The following HDAC9 variants were observed in gnomAD, a reference collection of about 807,000 sequenced individuals.
The protein encoded by HDAC9 is histone deacetylase 9.
A neutral mutation model predicts 139.4 loss-of-function variants in HDAC9; 41 were observed. The observed-to-expected ratio is 0.29, with a 90% CI of 0.23 to 0.38. The LOEUF is 0.38. Ranked by LOEUF, HDAC9 falls within the 10% of genes least tolerant of loss-of-function variation. The pLI is 1.00. For synonymous variants in HDAC9, 517 were observed against 476.2 expected, an observed-to-expected ratio of 1.09 and a Z score of -1.12; for missense variants, 1,147 against 1,297.0, an observed-to-expected ratio of 0.88 and a Z score of 1.78.
chr7:18,430,215 C>A (rs1790513127), intron 1 of HDAC9, among the ~76,000 whole-genome samples: 1 of 152,060 alleles, frequency 6.6e-6, no homozygotes, highest in Non-Finnish European at 1.5e-5. Context: ...TGGACCACAA[C>A]CTACAGTAAT....
intron 1 of HDAC9, among the ~76,000 whole-genome samples, chr7:18,095,469 T>C (rs1309852272): frequency 6.6e-6 from 1 of 152,182 alleles, no homozygotes; most frequent in Non-Finnish European, 1.5e-5. Context: ...GTATTTATGG[T>C]CTTCTTGCAA....
At chr7:18,187,767 A>G (rs1391971492) in intron 2 of HDAC9, among the ~76,000 whole-genome samples, 1 of 152,170 alleles carries the variant, frequency 6.6e-6, no homozygotes, top group Non-Finnish European at 1.5e-5. Flanking sequence ...AAAATCTTCC[A>G]TGGCTTGCCA....
intron 21 of HDAC9, among the ~76,000 whole-genome samples, chr7:18,851,922 C>G (rs1342833057): frequency 6.6e-6 from 1 of 152,208 alleles, no homozygotes; most frequent in East Asian, 1.9e-4. Flanking sequence ...GGAGCAGCTA[C>G]TCAGCAATGC....
At chr7:18,282,099 A>G (rs2128220394) in intron 2 of HDAC9, among the ~76,000 whole-genome samples, 1 of 152,264 alleles carries the variant, frequency 6.6e-6, no homozygotes, top group South Asian at 2.1e-4. Context: ...TGAAAGAAAC[A>G]CACACACTCA....
intron 6 of HDAC9, among the ~76,000 whole-genome samples, chr7:18,615,539 G>A (rs1421706081): frequency 6.6e-6 from 1 of 152,036 alleles, no homozygotes; most frequent in Non-Finnish European, 1.5e-5. Context: ...TATACTTTTT[G>A]TCTTTTTTCT....
intron 1 of HDAC9, among the ~76,000 whole-genome samples, chr7:18,370,257 T>A (rs959340455): frequency 6.6e-6 from 1 of 152,170 alleles, no homozygotes; most frequent in African/African-American, 2.4e-5. Flanking sequence ...CATAAATCTG[T>A]AACAGAATTA....
intron 1 of HDAC9, among the ~76,000 whole-genome samples, chr7:18,344,189 A>C (rs1396503068): frequency 6.6e-6 from 1 of 151,882 alleles, no homozygotes; most frequent in East Asian, 1.9e-4. Context: ...CTTTTCAAAA[A>C]TTATTTTTGT....
chr7:18,250,876 A>G (rs2128197898), intron 2 of HDAC9, among the ~76,000 whole-genome samples: 1 of 151,984 alleles, frequency 6.6e-6, no homozygotes, highest in Non-Finnish European at 1.5e-5. Flanking sequence ...ATGATTAGTG[A>G]TGTTCAGCTT....
chr7:18,674,949 G>A (rs116728712), intron 12 of HDAC9, among the ~76,000 whole-genome samples: 224 of 151,842 alleles, frequency 1.5e-3, no homozygotes, highest in African/African-American at 4.8e-3. Flanking sequence ...TATTGACTAT[G>A]ACTTCTAATA....
Position 18,183,164 on chromosome 7 carries a change from C to T in HDAC9, c.25+20815C>T, listed in dbSNP as rs552768619. Among the ~76,000 whole-genome samples, 23 of 152,088 alleles carry T rather than the reference C, an allele frequency of 1.5e-4. No homozygotes were observed. In the East Asian group the frequency reaches 4.4e-3, roughly 29 times the overall value. ...AGCTGGGACTACAGGTGCCTGCCAC[C>T]ACACCCGGCTAATTTTTTGTATTTT... On this transcript the variant is annotated intron_variant, in intron 2 of 12. Coordinates refer to the HDAC9 transcript ENST00000417496.
intron 3 of HDAC9, among the ~76,000 whole-genome samples, chr7:18,586,242 TG>T (rs1233921464): frequency 6.6e-6 from 1 of 152,110 alleles, no homozygotes; most frequent in African/African-American, 2.4e-5. Flanking sequence ...TAGATGTGTC[TG>T]TTTTTTTAAA....
chr7:18,935,961 A>G lies in HDAC9; in HGVS notation c.2937+19A>G, dbSNP rs1781599754. 1.2e-6 allele frequency: 2 copies of G among 1,609,358 alleles called. No homozygotes were observed. Among genetic ancestry groups the G allele is most frequent in the African/African-American group, 2.7e-5 (2 of 74,808 alleles). On this transcript the variant is annotated intron_variant, in intron 23 of 25. Coordinates refer to ENST00000686413, the MANE Select transcript of HDAC9 (RefSeq NM_178425.4). ...AAATGAGGTAAAAAAGTAAAAGTAC[A>G]AAGGGGCAGGGGTAAAGAATCAGGG...
intron 1 of HDAC9, among the ~76,000 whole-genome samples, chr7:18,473,316 ACCAGGCATGC>A (rs1794866204): frequency 6.6e-6 from 1 of 152,178 alleles, no homozygotes; most frequent in African/African-American, 2.4e-5. Flanking sequence ...AAACCTTAGC[ACCAGGCATGC>A]CTCTAACATT....
At chr7:18,870,795 T>G (rs116589870) in intron 21 of HDAC9, among the ~76,000 whole-genome samples, 11,509 of 152,158 alleles carry the variant, frequency 0.076, 837 homozygotes, top group African/African-American at 0.19. Flanking sequence ...TGTCTCAATC[T>G]CCCGAGTCAT....
intron 2 of HDAC9, among the ~76,000 whole-genome samples, chr7:18,577,279 C>T (rs971633878): frequency 1.3e-5 from 2 of 152,144 alleles, no homozygotes; most frequent in African/African-American, 2.4e-5. Flanking sequence ...TTCATTCCAC[C>T]TGTGCCTTGT....
intron 12 of HDAC9, among the ~76,000 whole-genome samples, chr7:18,700,461 G>A (rs1476347372): frequency 2.0e-5 from 3 of 152,152 alleles, no homozygotes; most frequent in African/African-American, 4.8e-5. Flanking sequence ...GATACGCTTG[G>A]GAGTGGGGCT....
At chr7:18,589,016 A>G (rs1170688326) in intron 3 of HDAC9, among the ~76,000 whole-genome samples, 1 of 152,200 alleles carries the variant, frequency 6.6e-6, no homozygotes, top group Non-Finnish European at 1.5e-5. Context: ...GTACGTTATG[A>G]ATATGCGGCT....
chr7:18,163,682 T>C (rs1314031634), intron 2 of HDAC9, among the ~76,000 whole-genome samples: 2 of 152,206 alleles, frequency 1.3e-5, no homozygotes, highest in East Asian at 1.9e-4. Context: ...ATTACAATTA[T>C]AGTCTAGTAC....
At chr7:18,825,698 T>A (rs927632522) in intron 17 of HDAC9, among the ~76,000 whole-genome samples, 49 of 149,308 alleles carry the variant, frequency 3.3e-4, no homozygotes, top group South Asian at 1.5e-3. Context: ...GACAAAGATT[T>A]TATATATATA....
Sources: allele counts gnomAD v4.1 joint callset (sites outside exome capture counted in the v4.1 genomes callset), GRCh38; gene constraint gnomAD v4.1.1; transcripts MANE v1.5; gene names NCBI Gene and HGNC (gene_info 2026-07-23, HGNC 2026-07-21).